Variants in NHS observed in about 807,000 individuals in gnomAD.
The protein encoded by NHS is NHS actin remodeling regulator.
A neutral mutation model predicts 72.5 loss-of-function variants in NHS; 5 were observed. That is an observed-to-expected ratio of 0.07 (90% CI 0.04 to 0.14). NHS has a LOEUF of 0.14. Among genes scored for constraint, NHS ranks in the 10% least tolerant of loss-of-function variants. NHS has a pLI of 1.00. For missense variants in NHS, 1,072 were observed against 1,355.7 expected (o/e 0.79, Z 3.29); for synonymous variants, 464 against 547.7 (o/e 0.85, Z 2.13).
intron 1 of NHS, chrX:17,635,462 G>A (rs778579015): frequency 1.1e-5 from 13 of 1,164,661 alleles, no homozygotes; most frequent in South Asian, 1.9e-5. Context: ...CCCCCCCGCC[G>A]TGCTTGCTGA....
At chrX:17,667,989 A>T (rs2066022908) in intron 1 of NHS, among the ~76,000 whole-genome samples, 1 of 107,677 alleles carries the variant, frequency 9.3e-6, no homozygotes, top group Non-Finnish European at 1.9e-5. Flanking sequence ...ATGGTGGCTC[A>T]TGCCTATAAT....
At chrX:17,506,194 C>T (rs913135470) in intron 1 of NHS, among the ~76,000 whole-genome samples, 1 of 111,348 alleles carries the variant, frequency 9.0e-6, no homozygotes, top group African/African-American at 3.3e-5. Context: ...CACCCACAGG[C>T]TGCTTTTCTT....
At chrX:17,457,215 G>A (rs987001993) in intron 1 of NHS, among the ~76,000 whole-genome samples, 3 of 111,942 alleles carry the variant, frequency 2.7e-5, no homozygotes, top group African/African-American at 6.5e-5. Flanking sequence ...GAACAGAGAG[G>A]TCGTCTTAGT....
intron 1 of NHS, among the ~76,000 whole-genome samples, chrX:17,540,415 A>G (rs1054838760): frequency 2.7e-5 from 3 of 112,263 alleles, no homozygotes; most frequent in Non-Finnish European, 5.6e-5. Context: ...GCCACCAGGA[A>G]AAGGCAGAAG....
chrX:17,595,555 T>G (rs748356213), intron 1 of NHS, among the ~76,000 whole-genome samples: 2 of 111,787 alleles, frequency 1.8e-5, no homozygotes, highest in Admixed American at 1.9e-4. Context: ...TAACCTGGGG[T>G]CAAGGTTTCT....
At chrX:17,465,507 T>G (rs1249147264) in intron 1 of NHS, among the ~76,000 whole-genome samples, 2 of 109,385 alleles carry the variant, frequency 1.8e-5, no homozygotes, top group African/African-American at 3.3e-5. Context: ...TTTGTGGAGA[T>G]GAATAAAAAA....
chrX:17,377,852 T>G (rs1305720319), intron 1 of NHS, among the ~76,000 whole-genome samples: 1 of 113,013 alleles, frequency 8.8e-6, no homozygotes, highest in East Asian at 2.8e-4. Flanking sequence ...GAATTAGGAC[T>G]GCCGTAGGCC....
At chrX:17,615,225 CACATATATATACGTAT>C (rs1569294228) in intron 1 of NHS, among the ~76,000 whole-genome samples, 6 of 91,343 alleles carry the variant, frequency 6.6e-5, no homozygotes, top group African/African-American at 2.4e-4. Context: ...CGTATATATA[CACATATATATACGTAT>C]ATATATACAC....
At chrX:17,476,359 A>G (rs1443370723) in intron 1 of NHS, among the ~76,000 whole-genome samples, 1 of 111,467 alleles carries the variant, frequency 9.0e-6, no homozygotes, top group Non-Finnish European at 1.9e-5. Context: ...CATGTAACTT[A>G]TAATTTAACA....
chrX:17,509,839 A>G (rs750435374), intron 1 of NHS, among the ~76,000 whole-genome samples: 1 of 112,621 alleles, frequency 8.9e-6, no homozygotes, highest in East Asian at 2.8e-4. Context: ...AGCTAGTTGT[A>G]ATAAAGGAGT....
intron 1 of NHS, among the ~76,000 whole-genome samples, chrX:17,550,720 G>A (rs1692468646): frequency 8.9e-6 from 1 of 111,889 alleles, no homozygotes. Context: ...TGCCCACCTC[G>A]AATCCATTTT....
chrX:17,679,710 A>G (rs2066112127), intron 1 of NHS, among the ~76,000 whole-genome samples: 2 of 111,319 alleles, frequency 1.8e-5, no homozygotes, highest in South Asian at 7.6e-4. Flanking sequence ...TTTTTCCCTG[A>G]TCCAATCCTC....
At chrX:17,478,980 A>G (rs962320769) in intron 1 of NHS, among the ~76,000 whole-genome samples, 2 of 111,582 alleles carry the variant, frequency 1.8e-5, no homozygotes, top group African/African-American at 6.5e-5. Flanking sequence ...AGGTATACAC[A>G]TGCCATGGTG....
chrX:17,382,314 G>C (rs1448694391), intron 1 of NHS, among the ~76,000 whole-genome samples: 2 of 111,540 alleles, frequency 1.8e-5, no homozygotes, highest in South Asian at 3.8e-4. Flanking sequence ...TTTGTCAGCT[G>C]TATGTATTTC....
chrX:17,489,354 A>C (rs759146935), intron 1 of NHS, among the ~76,000 whole-genome samples: 6 of 112,126 alleles, frequency 5.4e-5, no homozygotes, highest in African/African-American at 1.9e-4. Flanking sequence ...CTAGATCCTT[A>C]AGGAATCGCC....
intron 8 of NHS, 46 bp from the exon 9 acceptor site, chrX:17,731,812 C>T: frequency 1.1e-5 from 13 of 1,157,754 alleles, no homozygotes; most frequent in Non-Finnish European, 1.5e-5. Flanking sequence ...TTCATAAAAA[C>T]GTGAACTGAG....
At position 17,692,027 on chromosome X, in the gene NHS, A is replaced by G. The variant is rs142762845; in HGVS notation, c.719-308A>G. 4.1e-3 allele frequency among the ~76,000 whole-genome samples: 460 copies of G among 111,543 alleles called. 6 individuals are homozygous for G. Among genetic ancestry groups the G allele is most frequent in the Middle Eastern group, 9.2e-3 (2 of 218 alleles). On this transcript the variant is annotated intron_variant, in intron 2 of 8. Transcript: ENST00000676302. ...CAGCAAATCTTCCACTATGTTCTCAACTTTTGTTGTTGTTGTTGTTGTTGC... is the reference window on the plus strand; with the variant it reads ...CAGCAAATCTTCCACTATGTTCTCAGCTTTTGTTGTTGTTGTTGTTGTTGC...
intron 1 of NHS, among the ~76,000 whole-genome samples, chrX:17,649,913 A>G (rs2065922856): frequency 8.9e-6 from 1 of 112,174 alleles, no homozygotes; most frequent in Non-Finnish European, 1.9e-5. Context: ...GGCAGGAGCA[A>G]TAGTAATGTG....
chrX:17,684,132 G>C (rs2066145766), intron 1 of NHS, among the ~76,000 whole-genome samples: 1 of 111,387 alleles, frequency 9.0e-6, no homozygotes, highest in South Asian at 3.8e-4. Context: ...CTCCTCTTTT[G>C]CCTTCTGCCA....
Sources: allele counts gnomAD v4.1 joint callset (sites outside exome capture counted in the v4.1 genomes callset), GRCh38; gene constraint gnomAD v4.1.1; transcripts MANE v1.5; gene names NCBI Gene and HGNC (gene_info 2026-07-23, HGNC 2026-07-21).